The following PTPN9 variants were observed in gnomAD, a reference collection of about 807,000 sequenced individuals.
PTPN9 encodes the protein protein tyrosine phosphatase non-receptor type 9.
PTPN9 carries 26 observed loss-of-function variants against 69.8 expected under a neutral mutation model. The ratio of observed to expected loss-of-function variants is 0.37; its 90% CI spans 0.27 to 0.52. PTPN9 has a LOEUF of 0.52. Among genes scored for constraint, PTPN9 ranks in the 20% least tolerant of loss-of-function variants. The pLI, the probability that PTPN9 is intolerant of heterozygous loss-of-function variation, is 0.91. For missense variants in PTPN9, 549 were observed against 740.3 expected (o/e 0.74, Z 3.00); for synonymous variants, 274 against 272.5 (o/e 1.01, Z -0.05).
intron 7 of PTPN9, among the ~76,000 whole-genome samples, chr15:75,495,013 G>A (rs1017085784): frequency 1.3e-5 from 2 of 152,020 alleles, no homozygotes; most frequent in Non-Finnish European, 2.9e-5. Context: ...GGCAGAGTGA[G>A]ACCCCATCTT....
At chr15:75,577,357 G>A (rs913127244) in intron 1 of PTPN9, among the ~76,000 whole-genome samples, 4 of 152,160 alleles carry the variant, frequency 2.6e-5, no homozygotes, top group African/African-American at 9.7e-5. Flanking sequence ...TCTTAGTACT[G>A]AAGTACTTCC....
chr15:75,574,739 G>A (rs550312693), intron 1 of PTPN9, among the ~76,000 whole-genome samples: 1 of 151,746 alleles, frequency 6.6e-6, no homozygotes, highest in East Asian at 1.9e-4. Flanking sequence ...TCAGGAGTTC[G>A]AGACCAGCCT....
chr15:75,477,573 C>T (rs189080185), intron 9 of PTPN9, among the ~76,000 whole-genome samples: 69 of 151,814 alleles, frequency 4.5e-4, no homozygotes, highest in African/African-American at 1.6e-3. Flanking sequence ...CCAGCCTGGG[C>T]GACAGAGCGA....
At chr15:75,540,719 T>A (rs2075004925) in intron 1 of PTPN9, among the ~76,000 whole-genome samples, 1 of 151,788 alleles carries the variant, frequency 6.6e-6, no homozygotes, top group South Asian at 2.1e-4. Flanking sequence ...GAGGCTGAGG[T>A]GGGAGGATTC....
intron 1 of PTPN9, among the ~76,000 whole-genome samples, chr15:75,530,859 T>C (rs1363889862): frequency 1.0e-5 from 1 of 95,474 alleles, no homozygotes; most frequent in Non-Finnish European, 2.0e-5. Flanking sequence ...TATTATGATA[T>C]ATTATATATT....
chr15:75,484,000 G>A (rs1453388504), intron 8 of PTPN9, among the ~76,000 whole-genome samples: 1 of 152,198 alleles, frequency 6.6e-6, no homozygotes, highest in Non-Finnish European at 1.5e-5. Context: ...GGCTGTAGAA[G>A]CTCAGGGCTG....
At chr15:75,554,935 C>A (rs1197802370) in intron 1 of PTPN9, among the ~76,000 whole-genome samples, 1 of 152,204 alleles carries the variant, frequency 6.6e-6, no homozygotes, top group African/African-American at 2.4e-5. Context: ...GCAGGTTTTC[C>A]TGGCTGAATC....
rs777818664 is a variant in PTPN9, at chr15:75,509,043, A to G, written c.529-16T>C. 1.1e-5 allele frequency: 17 copies of G among 1,600,774 alleles called. No homozygotes were observed. The South Asian group carries it at 1.2e-4, about 11-fold the overall frequency. ...GAAATGCTCCCTGTGGAGAAAACACATGAGGATTTAAGTGTAATGGAACCT... is the reference window on the plus strand; with the variant it reads ...GAAATGCTCCCTGTGGAGAAAACACGTGAGGATTTAAGTGTAATGGAACCT... On this transcript the variant is annotated splice_polypyrimidine_tract_variant and intron_variant, in intron 5 of 12. Coordinates refer to ENST00000618819, the MANE Select transcript of PTPN9 (RefSeq NM_002833.4).
chr15:75,482,227 G>C (rs1159392599), intron 8 of PTPN9, among the ~76,000 whole-genome samples: 1 of 152,022 alleles, frequency 6.6e-6, no homozygotes, highest in Non-Finnish European at 1.5e-5. Flanking sequence ...GGCGGTGCAA[G>C]ATGTGCTTTG....
intron 1 of PTPN9, among the ~76,000 whole-genome samples, chr15:75,561,448 G>A (rs1453686768): frequency 1.3e-5 from 2 of 151,068 alleles, no homozygotes; most frequent in African/African-American, 2.4e-5. Context: ...TGGGCAAAAC[G>A]AAAGTATCAT....
intron 7 of PTPN9, among the ~76,000 whole-genome samples, chr15:75,493,143 A>G (rs1402624479): frequency 1.3e-5 from 2 of 152,162 alleles, no homozygotes; most frequent in African/African-American, 2.4e-5. Flanking sequence ...TGACAAAGTG[A>G]GACCCTGTCT....
At chr15:75,565,264 G>C (rs1205855202) in intron 1 of PTPN9, among the ~76,000 whole-genome samples, 8 of 152,012 alleles carry the variant, frequency 5.3e-5, no homozygotes, top group Admixed American at 4.6e-4. Flanking sequence ...TTTTAGACTA[G>C]AGCTTTTCAG....
At chr15:75,578,022 T>C (rs971677381) in intron 1 of PTPN9, among the ~76,000 whole-genome samples, 2 of 152,150 alleles carry the variant, frequency 1.3e-5, no homozygotes, top group African/African-American at 4.8e-5. Flanking sequence ...CATAGGCTTT[T>C]AAGGAACAAT....
chr15:75,480,468 A>G (rs1271134306), intron 8 of PTPN9, among the ~76,000 whole-genome samples: 3 of 149,932 alleles, frequency 2.0e-5, no homozygotes, highest in African/African-American at 4.9e-5. Context: ...CTCTTCCGTG[A>G]GGAGCGCAGA....
rs73436881 is a variant in PTPN9, at chr15:75,538,494, C to T, written c.64-11233G>A. 4.3e-3 allele frequency among the ~76,000 whole-genome samples: 649 copies of T among 152,134 alleles called. 3 individuals carry two copies. The highest frequency in any genetic ancestry group is 0.014 in the African/African-American group (597 of 41,488). ...GGCAGACTGCTTGATCTCAGGAGTT[C>T]GTGACCAGCCTGAGGAACATGACAA... On this transcript the variant is annotated intron_variant, in intron 1 of 12. Transcript: ENST00000618819.
chr15:75,531,258 G>C (rs1437937848), intron 1 of PTPN9, among the ~76,000 whole-genome samples: 1 of 151,942 alleles, frequency 6.6e-6, no homozygotes, highest in Non-Finnish European at 1.5e-5. Flanking sequence ...GAGAAGGAAA[G>C]AACCAGCAAA....
At chr15:75,499,957 C>T (rs961619134) in intron 7 of PTPN9, among the ~76,000 whole-genome samples, 2 of 152,036 alleles carry the variant, frequency 1.3e-5, no homozygotes, top group Admixed American at 6.6e-5. Flanking sequence ...GTGGGCAGAT[C>T]ACTTGAGGTC....
At chr15:75,485,121 C>G (rs1028406236) in intron 8 of PTPN9, among the ~76,000 whole-genome samples, 3 of 152,118 alleles carry the variant, frequency 2.0e-5, no homozygotes. Context: ...CTGCAGCAGA[C>G]CCAGCATGCT....
At chr15:75,525,340 C>T (rs2074922784) in intron 2 of PTPN9, among the ~76,000 whole-genome samples, 2 of 151,710 alleles carry the variant, frequency 1.3e-5, no homozygotes, top group South Asian at 2.1e-4. Context: ...ATTACAGGCA[C>T]GTGCCACCAT....
Sources: allele counts gnomAD v4.1 joint callset (sites outside exome capture counted in the v4.1 genomes callset), GRCh38; gene constraint gnomAD v4.1.1; transcripts MANE v1.5; gene names NCBI Gene and HGNC (gene_info 2026-07-23, HGNC 2026-07-21).